Variants in PTPRN2 observed in about 807,000 individuals in gnomAD.
PTPRN2 encodes protein tyrosine phosphatase receptor type N2.
A neutral mutation model predicts 118.8 loss-of-function variants in PTPRN2; 74 were observed. The ratio of observed to expected loss-of-function variants is 0.62; its 90% CI spans 0.52 to 0.76. The LOEUF (loss-of-function observed/expected upper bound fraction) is 0.76, where lower values mean the gene tolerates loss of function less well. Ranked by LOEUF, PTPRN2 falls within the 30% of genes least tolerant of loss-of-function variation. PTPRN2 has a pLI of 0.00. For synonymous variants in PTPRN2, 641 were observed against 608.0 expected (o/e 1.05, Z -0.80); for missense variants, 1,481 against 1,394.4 (o/e 1.06, Z -0.99).
chr7:157,853,040 G>A (rs1486074401), intron 12 of PTPRN2, among the ~76,000 whole-genome samples: 1 of 152,150 alleles, frequency 6.6e-6, no homozygotes, highest in Non-Finnish European at 1.5e-5. Flanking sequence ...TGAATGGGGA[G>A]GGTGGATGGT....
chr7:158,155,584 C>T (rs1310147881), intron 6 of PTPRN2, among the ~76,000 whole-genome samples: 2 of 138,616 alleles, frequency 1.4e-5, no homozygotes, highest in South Asian at 2.4e-4. Flanking sequence ...TCACCATCAC[C>T]ATCATCACCA....
intron 11 of PTPRN2, among the ~76,000 whole-genome samples, chr7:158,061,308 T>G (rs1006238219): frequency 2.0e-5 from 3 of 152,230 alleles, no homozygotes; most frequent in African/African-American, 7.2e-5. Context: ...AGGGGAGGAC[T>G]GAGTCCACGC....
chr7:157,668,823 G>C (rs1796223216), intron 13 of PTPRN2, among the ~76,000 whole-genome samples: 1 of 152,226 alleles, frequency 6.6e-6, no homozygotes, highest in Admixed American at 6.5e-5. Context: ...GCGTGTGCAG[G>C]GAAAAGGCCG....
chr7:158,506,287 G>C (rs913603335), intron 1 of PTPRN2, among the ~76,000 whole-genome samples: 2 of 152,168 alleles, frequency 1.3e-5, no homozygotes, highest in Non-Finnish European at 2.9e-5. Context: ...GACTCAGGTG[G>C]GGCTGCCACT....
At chr7:158,266,358 G>A (rs564948992) in intron 3 of PTPRN2, among the ~76,000 whole-genome samples, 10 of 119,282 alleles carry the variant, frequency 8.4e-5, no homozygotes, top group East Asian at 2.7e-4. Flanking sequence ...TGGGGACGGC[G>A]TCTGCTGCGG....
intron 2 of PTPRN2, among the ~76,000 whole-genome samples, chr7:158,322,929 G>A (rs544281140): frequency 7.0e-4 from 106 of 152,352 alleles, no homozygotes; most frequent in Middle Eastern, 3.4e-3. Flanking sequence ...AGTGAGGATG[G>A]TGGTCATGGA....
At chr7:157,870,019 C>T (rs770057192) in intron 12 of PTPRN2, among the ~76,000 whole-genome samples, 2 of 152,184 alleles carry the variant, frequency 1.3e-5, no homozygotes, top group East Asian at 1.9e-4. Context: ...CAGGATGGTA[C>T]TGGTAAAGCC....
At chr7:158,484,437 A>G (rs889705088) in intron 2 of PTPRN2, among the ~76,000 whole-genome samples, 2 of 152,214 alleles carry the variant, frequency 1.3e-5, no homozygotes, top group Non-Finnish European at 2.9e-5. Context: ...AACTCGGCTC[A>G]CCGTAACCTC....
At chr7:157,984,926 T>G (rs931652501) in intron 11 of PTPRN2, among the ~76,000 whole-genome samples, 1 of 152,166 alleles carries the variant, frequency 6.6e-6, no homozygotes, top group African/African-American at 2.4e-5. Flanking sequence ...TGTAGAGGCC[T>G]CCTGGCTTCC....
rs149986751 is a variant in PTPRN2 at position 157,709,823 on chromosome 7, G to C, written c.1789-26886C>G. On this transcript the variant is annotated intron_variant, in intron 12 of 22. Coordinates refer to ENST00000389418, the MANE Select transcript of PTPRN2 (RefSeq NM_002847.5). ...ACATACAAGTCGGATATTCTGGGGA[G>C]CTGGAATTCAAGGATGGACAATGAA... Among the ~76,000 whole-genome samples the C allele has an allele frequency of 3.0e-3, 461 of 152,348 alleles. 6 individuals are homozygous for C. The highest frequency in any genetic ancestry group is 5.4e-3 in the Non-Finnish European group (368 of 68,022).
At chr7:158,149,303 T>G (rs976495669) in intron 6 of PTPRN2, among the ~76,000 whole-genome samples, 7 of 152,200 alleles carry the variant, frequency 4.6e-5, no homozygotes, top group African/African-American at 1.7e-4. Flanking sequence ...AGCAATGTCA[T>G]CAATGTGTAA....
intron 4 of PTPRN2, among the ~76,000 whole-genome samples, chr7:158,198,943 C>T (rs2150727500): frequency 7.1e-6 from 1 of 140,308 alleles, no homozygotes; most frequent in Non-Finnish European, 1.6e-5. Context: ...CAGGTTCTGG[C>T]TTCTCAGGTC....
chr7:158,013,526 CTCTA>C (rs1406523590), intron 11 of PTPRN2, among the ~76,000 whole-genome samples: 5 of 151,676 alleles, frequency 3.3e-5, no homozygotes, highest in South Asian at 2.1e-4. Flanking sequence ...CCATCCATCC[CTCTA>C]TCTATTGACC....
At chr7:157,882,415 T>C (rs1486657531) in intron 12 of PTPRN2, among the ~76,000 whole-genome samples, 2 of 150,516 alleles carry the variant, frequency 1.3e-5, no homozygotes, top group South Asian at 2.1e-4. Flanking sequence ...GAAATGACTG[T>C]CAGAGAACAG....
chr7:158,077,705 A>C (rs1563402142), intron 11 of PTPRN2, among the ~76,000 whole-genome samples: 1 of 152,144 alleles, frequency 6.6e-6, no homozygotes. Flanking sequence ...CATAAACCAC[A>C]GGCAGCCCCA....
At chr7:158,275,988 C>T (rs549218145) in intron 3 of PTPRN2, among the ~76,000 whole-genome samples, 7 of 152,282 alleles carry the variant, frequency 4.6e-5, no homozygotes, top group East Asian at 1.9e-4. Flanking sequence ...GCATCCCCGC[C>T]GCCTTACACG....
In PTPRN2 at chr7:158,529,528, C is replaced by A. The variant is rs1348237270; in HGVS notation, c.113-39743G>T. Among the ~76,000 whole-genome samples, 1 of 152,216 alleles carries A rather than the reference C, an allele frequency of 6.6e-6. No homozygotes were observed. Among genetic ancestry groups the A allele is most frequent in the African/African-American group, 2.4e-5 (1 of 41,456 alleles). ...CAAACTCACATCGCTGCCTCTGGAA[C>A]CACAGAGTGCTCTGTATTAGATATT... is the stretch of plus-strand genomic sequence containing the variant. On this transcript the variant is annotated intron_variant, in intron 1 of 22. Transcript: ENST00000389418. The surrounding 1 kb of genome is among the most constrained non-coding windows in gnomAD (Gnocchi z 4.7).
At chr7:157,704,175 G>A (rs1442968288) in intron 12 of PTPRN2, among the ~76,000 whole-genome samples, 2 of 152,244 alleles carry the variant, frequency 1.3e-5, no homozygotes, top group Admixed American at 6.5e-5. Flanking sequence ...ACTGAGGCAA[G>A]TGGCTTCACT....
chr7:158,404,519 A>T (rs965313189), intron 2 of PTPRN2, among the ~76,000 whole-genome samples: 1 of 152,100 alleles, frequency 6.6e-6, no homozygotes, highest in African/African-American at 2.4e-5. Flanking sequence ...TCCCCAGGGG[A>T]CGTGGCTTTG....
Sources: allele counts gnomAD v4.1 joint callset (sites outside exome capture counted in the v4.1 genomes callset), GRCh38; gene constraint gnomAD v4.1.1; non-coding constraint Gnocchi (gnomAD v3.1); transcripts MANE v1.5; gene names NCBI Gene and HGNC (gene_info 2026-07-23, HGNC 2026-07-21).